The following PCDH15 variants were observed in gnomAD, a reference collection of about 807,000 sequenced individuals.
PCDH15 encodes protocadherin-15.
In PCDH15, 129 loss-of-function variants were observed where a neutral mutation model predicts 178.5. The observed-to-expected ratio is 0.72, with a 90% CI of 0.63 to 0.84. The LOEUF is 0.84. Among genes scored for constraint, PCDH15 ranks in the 40% least tolerant of loss-of-function variants. The probability of loss-of-function intolerance (pLI) is 0.00; values close to 1 mark genes in which losing one functional copy is unlikely to be tolerated. For synonymous variants in PCDH15, 800 were observed against 732.0 expected, an observed-to-expected ratio of 1.09 and a Z score of -1.50; for missense variants, 2,230 against 2,099.9, an observed-to-expected ratio of 1.06 and a Z score of -1.21.
chr10:55,560,176 G>C (rs187394207), intron 2 of PCDH15, among the ~76,000 whole-genome samples: 105 of 151,848 alleles, frequency 6.9e-4, no homozygotes, highest in African/African-American at 2.5e-3. Context: ...TTTAGGTCCA[G>C]GAAAAAATGT....
chr10:55,627,051 A>T (rs2094276835), intron 2 of PCDH15, among the ~76,000 whole-genome samples: 1 of 152,190 alleles, frequency 6.6e-6, no homozygotes, highest in African/African-American at 2.4e-5. Context: ...AGAGAGCTAG[A>T]GCTAGAGATA....
intron 2 of PCDH15, among the ~76,000 whole-genome samples, chr10:54,646,570 C>G (rs371837289): frequency 3.9e-5 from 6 of 152,144 alleles, no homozygotes; most frequent in African/African-American, 1.4e-4. Flanking sequence ...TCCTACACCA[C>G]TTATTACTAA....
intron 2 of PCDH15, among the ~76,000 whole-genome samples, chr10:54,541,734 T>C (rs11004357): frequency 0.14 from 21,258 of 152,186 alleles, 1,760 homozygotes; most frequent in East Asian, 0.36. Context: ...GCAGCTTTTA[T>C]TTCCATCTTG....
At chr10:55,335,519 T>C (rs1844361423) in intron 2 of PCDH15, among the ~76,000 whole-genome samples, 1 of 152,220 alleles carries the variant, frequency 6.6e-6, no homozygotes. Flanking sequence ...TACTATCAGC[T>C]ATCAGAGGTC....
At chr10:54,952,094 T>C (rs962234833) in intron 2 of PCDH15, among the ~76,000 whole-genome samples, 1 of 151,846 alleles carries the variant, frequency 6.6e-6, no homozygotes, top group African/African-American at 2.4e-5. Flanking sequence ...GCATTTGTTG[T>C]GCCTAAAAAG....
At chr10:53,999,397 T>C (rs2092014442) in intron 20 of PCDH15, among the ~76,000 whole-genome samples, 1 of 152,200 alleles carries the variant, frequency 6.6e-6, no homozygotes, top group African/African-American at 2.4e-5. Context: ...CTGGGTTTTT[T>C]TCTCTCTCAA....
intron 2 of PCDH15, among the ~76,000 whole-genome samples, chr10:54,994,980 C>T (rs898324538): frequency 1.1e-4 from 17 of 151,828 alleles, no homozygotes; most frequent in South Asian, 6.2e-4. Flanking sequence ...CTAAGAAAAC[C>T]TAAGGTTTGG....
At chr10:55,349,043 T>C (rs1044210745) in intron 2 of PCDH15, among the ~76,000 whole-genome samples, 9 of 152,108 alleles carry the variant, frequency 5.9e-5, no homozygotes, top group Non-Finnish European at 1.3e-4. Flanking sequence ...ACAGATTGCA[T>C]GGACTTGATC....
At chr10:54,142,352 C>T (rs2043489867) in intron 14 of PCDH15, among the ~76,000 whole-genome samples, 1 of 152,062 alleles carries the variant, frequency 6.6e-6, no homozygotes. Flanking sequence ...AGCATTGATA[C>T]CAGTCAAAGC....
intron 2 of PCDH15, among the ~76,000 whole-genome samples, chr10:55,376,681 T>C (rs996374368): frequency 7.2e-5 from 11 of 152,224 alleles, no homozygotes; most frequent in South Asian, 2.1e-4. Flanking sequence ...AGCTTCAAGA[T>C]TGCAAATTAG....
chr10:55,421,812 T>A (rs1252942989), intron 2 of PCDH15, among the ~76,000 whole-genome samples: 2 of 136,170 alleles, frequency 1.5e-5, no homozygotes, highest in Non-Finnish European at 3.1e-5. Flanking sequence ...CACTTCAGAA[T>A]ATTTTATTGT....
intron 13 of PCDH15, among the ~76,000 whole-genome samples, chr10:54,156,426 G>T (rs1024231180): frequency 6.6e-6 from 1 of 152,152 alleles, no homozygotes; most frequent in Non-Finnish European, 1.5e-5. Context: ...TGCATCTTAT[G>T]TGGCGGCAGA....
chr10:54,015,996 G>A (rs1454725648), intron 20 of PCDH15, among the ~76,000 whole-genome samples: 1 of 152,112 alleles, frequency 6.6e-6, no homozygotes, highest in Non-Finnish European at 1.5e-5. Flanking sequence ...TACAGAATGG[G>A]TGAAAATGCT....
At chr10:54,079,558 T>G in intron 16 of PCDH15, 134 bp from the exon 17 acceptor site, 2 of 824,426 alleles carry the variant, frequency 2.4e-6, no homozygotes. Flanking sequence ...ATTTTAGATG[T>G]ATAATACTAA....
chr10:54,907,479 T>C (rs1591775719), intron 2 of PCDH15, among the ~76,000 whole-genome samples: 2 of 152,196 alleles, frequency 1.3e-5, no homozygotes, highest in African/African-American at 4.8e-5. Context: ...AGACGTCACA[T>C]ACTGAACTTA....
intron 2 of PCDH15, among the ~76,000 whole-genome samples, chr10:55,416,043 ACAAACAAG>A (rs1838474936): frequency 8.3e-6 from 1 of 120,396 alleles, no homozygotes; most frequent in Admixed American, 8.0e-5. Context: ...AAAAAAACAA[ACAAACAAG>A]CAAACAAACA....
At chr10:55,345,632 G>A (rs1844732453) in intron 2 of PCDH15, among the ~76,000 whole-genome samples, 2 of 151,944 alleles carry the variant, frequency 1.3e-5, no homozygotes, top group African/African-American at 2.4e-5. Context: ...CATTTTATTT[G>A]CAATGGTACA....
At chr10:54,866,642 T>C (rs1042906220) in intron 3 of PCDH15, among the ~76,000 whole-genome samples, 1 of 152,198 alleles carries the variant, frequency 6.6e-6, no homozygotes, top group South Asian at 2.1e-4. Context: ...TATTAATTTC[T>C]TTTCTTTTTA....
chr10:53,812,345 C>T (rs965917271), intron 35 of PCDH15, among the ~76,000 whole-genome samples: 5 of 151,596 alleles, frequency 3.3e-5, no homozygotes, highest in Non-Finnish European at 7.4e-5. Flanking sequence ...GTAGCTGGGG[C>T]TACAGGCGCC....
Sources: gnomAD v4.1 joint callset for allele counts (sites outside exome capture counted in the v4.1 genomes callset) on GRCh38, gnomAD v4.1.1 for gene constraint, MANE v1.5 for transcripts, NCBI Gene and HGNC (gene_info 2026-07-23, HGNC 2026-07-21) for gene names.